Variants in PLEKHS1 observed in about 807,000 individuals in gnomAD.
PLEKHS1 encodes the protein pleckstrin homology domain containing S1.
A neutral mutation model predicts 51.0 loss-of-function variants in PLEKHS1; 55 were observed. The ratio of observed to expected loss-of-function variants is 1.08; its 90% CI spans 0.87 to 1.35. The LOEUF is 1.35. PLEKHS1 is among the 40% of genes most tolerant of loss of function. The probability of loss-of-function intolerance (pLI) is 0.00; values close to 1 mark genes in which losing one functional copy is unlikely to be tolerated. For missense variants in PLEKHS1, 398 were observed against 423.0 expected, an observed-to-expected ratio of 0.94 and a Z score of 0.52; for synonymous variants, 153 against 144.8, an observed-to-expected ratio of 1.06 and a Z score of -0.41.
At chr10:113,782,495 A>G (rs578055566), downstream of PLEKHS1, 12 of 152,272 alleles carry the variant, frequency 7.9e-5, no homozygotes, top group African/African-American at 2.6e-4. Context: ...GGTGTTGGAG[A>G]TGGAGCCTGG....
chr10:113,782,907 TA>T (rs530251009), downstream of PLEKHS1: 2 of 152,086 alleles, frequency 1.3e-5, no homozygotes, highest in African/African-American at 2.4e-5. Context: ...AAGATACATG[TA>T]AAAAAAGTAG....
In PLEKHS1 at chr10:113,758,755, T is replaced by C. The variant is rs147388515; in HGVS notation, c.28+3450T>C. Reference sequence around the variant, plus strand: ...GAGAGATGGGGGAATAGCCAGTCAGTGGAGCAATCAGAACACACACAACAT... The same window carrying C: ...GAGAGATGGGGGAATAGCCAGTCAGCGGAGCAATCAGAACACACACAACAT... On this transcript the variant is annotated intron_variant, in intron 2 of 11. Transcript: ENST00000361048. 5.5e-3 allele frequency among the ~76,000 whole-genome samples: 832 copies of C among 152,228 alleles called. 14 individuals carry two copies. The highest frequency in any genetic ancestry group is 0.019 in the African/African-American group (802 of 41,540).
At chr10:113,771,021 AGAGAACATT>A (rs776089699) in intron 7 of PLEKHS1, among the ~76,000 whole-genome samples, 8 of 152,178 alleles carry the variant, frequency 5.3e-5, no homozygotes, top group Non-Finnish European at 1.0e-4. Flanking sequence ...CTTTTTTTCT[AGAGAACATT>A]CAGGGTCTTT....
At chr10:113,757,504 A>G (rs1395260511) in intron 2 of PLEKHS1, among the ~76,000 whole-genome samples, 1 of 152,214 alleles carries the variant, frequency 6.6e-6, no homozygotes, top group Admixed American at 6.5e-5. Flanking sequence ...TTAATTAAAG[A>G]TATTTTATTG....
intron 2 of PLEKHS1, among the ~76,000 whole-genome samples, chr10:113,758,612 A>G (rs1400035490): frequency 1.3e-5 from 2 of 152,118 alleles, no homozygotes; most frequent in African/African-American, 4.8e-5. Context: ...AAAGTGAGAG[A>G]CATGTAACTC....
chr10:113,758,811 A>G (rs767269544), intron 2 of PLEKHS1, among the ~76,000 whole-genome samples: 5 of 152,154 alleles, frequency 3.3e-5, no homozygotes, highest in Non-Finnish European at 7.4e-5. Context: ...TATGGGCACC[A>G]TTCATACTGT....
chr10:113,766,363 T>TTTCAGAAATTTATGAGGAACAA, intron 2 of PLEKHS1, 48 bp from the exon 3 acceptor site: 1 of 1,202,570 alleles, frequency 8.3e-7, no homozygotes, highest in Non-Finnish European at 1.2e-6. Flanking sequence ...AGGCAGTTCT[T>TTTCAGAAATTTATGAGGAACAA]TTCAGAAATT....
intron 7 of PLEKHS1, 66 bp downstream of exon 7, chr10:113,769,966 C>T (rs571702158): frequency 1.8e-6 from 2 of 1,140,312 alleles, no homozygotes; most frequent in Admixed American, 1.7e-5. Context: ...AAAAATCTTA[C>T]CAATTAGCAA....
At chr10:113,763,604 TTC>T in intron 2 of PLEKHS1, among the ~76,000 whole-genome samples, 1 of 152,316 alleles carries the variant, frequency 6.6e-6, no homozygotes, top group African/African-American at 2.4e-5. Flanking sequence ...AGTCATTACT[TTC>T]TGTTTTGTTA....
At chr10:113,762,277 T>C (rs1309171878) in intron 2 of PLEKHS1, among the ~76,000 whole-genome samples, 1 of 151,764 alleles carries the variant, frequency 6.6e-6, no homozygotes, top group African/African-American at 2.4e-5. Context: ...TTTCATTGGT[T>C]GTCTCTGTTG....
In PLEKHS1 at chr10:113,768,666, G is replaced by A. The variant is rs1407041785; in HGVS notation, c.360-149G>A. 9.1e-6 allele frequency: 5 copies of A among 550,902 alleles called. No individual in the cohort carries two copies. In the African/African-American group the frequency reaches 9.8e-5, roughly 11 times the overall value. 34.1% of individuals were successfully genotyped at this position (550,902 alleles called of 1,614,324 possible). Reference sequence around the variant, plus strand: ...AATTCTAGTGTGCAAATGTGGAGGTGGCGAGGCCATTTAAGCTACTTAGGA... The same window carrying A: ...AATTCTAGTGTGCAAATGTGGAGGTAGCGAGGCCATTTAAGCTACTTAGGA... On this transcript the variant is annotated intron_variant, in intron 5 of 11. Transcript: ENST00000361048.
intron 11 of PLEKHS1, chr10:113,777,144 C>T (rs1844707390): frequency 6.2e-7 from 1 of 1,612,730 alleles, no homozygotes; most frequent in Non-Finnish European, 8.5e-7. Flanking sequence ...TGGGAAGGCC[C>T]CCCACGTTTG....
intron 1 of PLEKHS1, among the ~76,000 whole-genome samples, chr10:113,752,749 T>C (rs1853905792): frequency 6.6e-6 from 1 of 152,028 alleles, no homozygotes; most frequent in Non-Finnish European, 1.5e-5. Flanking sequence ...GGTGGGGAGA[T>C]GAAGGAGGAA....
At chr10:113,763,519 T>C (rs987723708) in intron 2 of PLEKHS1, among the ~76,000 whole-genome samples, 1 of 152,188 alleles carries the variant, frequency 6.6e-6, no homozygotes, top group Non-Finnish European at 1.5e-5. Flanking sequence ...TTGTTCTCCC[T>C]TTCCCCCTTT....
intron 7 of PLEKHS1, 121 bp downstream of exon 7, chr10:113,770,021 A>G: frequency 2.6e-6 from 2 of 758,198 alleles, no homozygotes; most frequent in Non-Finnish European, 4.6e-6. Flanking sequence ...GATGCACTAT[A>G]AGAAAGATTC....
downstream of PLEKHS1, chr10:113,783,338 T>G (rs887040301): frequency 6.6e-6 from 1 of 152,232 alleles, no homozygotes; most frequent in African/African-American, 2.4e-5. Context: ...GTAAAATTGT[T>G]CGTGATACAT....
chr10:113,777,648 T>C, intron 11 of PLEKHS1: 4 of 1,531,246 alleles, frequency 2.6e-6, no homozygotes, highest in Non-Finnish European at 3.5e-6. Flanking sequence ...TGAGGTAATA[T>C]GTGTAACGTG....
chr10:113,762,985 C>T (rs947368491), intron 2 of PLEKHS1, among the ~76,000 whole-genome samples: 3 of 151,944 alleles, frequency 2.0e-5, no homozygotes, highest in Non-Finnish European at 4.4e-5. Flanking sequence ...AAAATGCATC[C>T]AAAATTTAAA....
intron 2 of PLEKHS1, among the ~76,000 whole-genome samples, chr10:113,759,260 C>T (rs1264509230): frequency 1.3e-5 from 2 of 152,058 alleles, no homozygotes; most frequent in Non-Finnish European, 2.9e-5. Flanking sequence ...AAATATTAGC[C>T]AGGTGTGATG....
Sources: gnomAD v4.1 joint callset for allele counts (sites outside exome capture counted in the v4.1 genomes callset) on GRCh38, gnomAD v4.1.1 for gene constraint, MANE v1.5 for transcripts, NCBI Gene and HGNC (gene_info 2026-07-23, HGNC 2026-07-21) for gene names.